NEGR1: variants seen among roughly 807,000 people sequenced by gnomAD.
NEGR1 encodes the protein neuronal growth regulator 1, also known as IgLON family member 4.
Under a neutral mutation model 40.9 loss-of-function variants are expected in NEGR1, and 10 were observed. That is an observed-to-expected ratio of 0.24 (90% CI 0.15 to 0.42). The LOEUF (loss-of-function observed/expected upper bound fraction) is 0.42, where lower values mean the gene tolerates loss of function less well. Ranked by LOEUF, NEGR1 falls within the 10% of genes least tolerant of loss-of-function variation. The probability of loss-of-function intolerance (pLI) is 1.00; values close to 1 mark genes in which losing one functional copy is unlikely to be tolerated. For synonymous variants in NEGR1, 185 were observed against 166.8 expected (o/e 1.11, Z -0.84); for missense variants, 352 against 438.9 (o/e 0.80, Z 1.77).
At chr1:72,205,655 G>A (rs1192889905) in intron 1 of NEGR1, among the ~76,000 whole-genome samples, 2 of 141,190 alleles carry the variant, frequency 1.4e-5, no homozygotes, top group Non-Finnish European at 3.0e-5. Flanking sequence ...GATGGCTCAT[G>A]CCTATAATCC....
chr1:71,575,637 G>T (rs1000133828), intron 6 of NEGR1, among the ~76,000 whole-genome samples: 1 of 152,128 alleles, frequency 6.6e-6, no homozygotes, highest in Non-Finnish European at 1.5e-5. Context: ...CAAAAAATTA[G>T]CTGGGCATGG....
intron 3 of NEGR1, among the ~76,000 whole-genome samples, chr1:71,726,003 A>G (rs1014922400): frequency 1.3e-5 from 2 of 152,164 alleles, no homozygotes; most frequent in Admixed American, 1.3e-4. Flanking sequence ...CATGTGCTGA[A>G]AAATTTATCA....
chr1:72,048,686 C>T (rs915935781), intron 1 of NEGR1, among the ~76,000 whole-genome samples: 1 of 151,538 alleles, frequency 6.6e-6, no homozygotes. Flanking sequence ...TTTTAAAATG[C>T]TCTTCTAGTC....
intron 3 of NEGR1, among the ~76,000 whole-genome samples, chr1:71,774,478 C>T (rs779557635): frequency 2.7e-4 from 41 of 151,950 alleles, no homozygotes; most frequent in Non-Finnish European, 4.1e-4. Context: ...TCACATAATA[C>T]CAATACTAAG....
At chr1:72,137,741 T>A (rs748302572) in intron 1 of NEGR1, among the ~76,000 whole-genome samples, 1 of 152,004 alleles carries the variant, frequency 6.6e-6, no homozygotes, top group Non-Finnish European at 1.5e-5. Flanking sequence ...TAAAAAAGAA[T>A]ACGGTGCTCA....
At chr1:71,903,666 TAC>T (rs960825837) in intron 2 of NEGR1, among the ~76,000 whole-genome samples, 11 of 152,020 alleles carry the variant, frequency 7.2e-5, no homozygotes, top group African/African-American at 2.6e-4. Context: ...TATTCATAAA[TAC>T]ATTTATTTCA....
At chr1:72,279,975 T>C (rs1336292569) in intron 1 of NEGR1, among the ~76,000 whole-genome samples, 1 of 152,188 alleles carries the variant, frequency 6.6e-6, no homozygotes, top group Non-Finnish European at 1.5e-5. Context: ...AGTTCAAATT[T>C]CTATTTCATA....
chr1:72,202,559 T>C (rs1292583898), intron 1 of NEGR1, among the ~76,000 whole-genome samples: 1 of 152,046 alleles, frequency 6.6e-6, no homozygotes, highest in Non-Finnish European at 1.5e-5. Context: ...AATAGCTTTA[T>C]TATGGATATA....
At chr1:72,077,189 C>T (rs1036210645) in intron 1 of NEGR1, among the ~76,000 whole-genome samples, 7 of 152,078 alleles carry the variant, frequency 4.6e-5, no homozygotes, top group South Asian at 2.1e-4. Context: ...CCACCGTGCC[C>T]GGCCCTCATT....
intron 3 of NEGR1, among the ~76,000 whole-genome samples, chr1:71,701,979 A>G (rs1653712642): frequency 6.6e-6 from 1 of 152,002 alleles, no homozygotes; most frequent in African/African-American, 2.4e-5. Context: ...GAGTTTATGG[A>G]GCAATAAGAG....
intron 1 of NEGR1, among the ~76,000 whole-genome samples, chr1:72,198,148 C>T (rs780647240): frequency 5.3e-4 from 81 of 152,060 alleles, no homozygotes; most frequent in Non-Finnish European, 9.7e-4. Context: ...ACTTTTTAGA[C>T]GGTTGCCCAA....
intron 1 of NEGR1, among the ~76,000 whole-genome samples, chr1:72,233,670 A>G (rs1654454866): frequency 6.6e-6 from 1 of 152,162 alleles, no homozygotes. Flanking sequence ...TATACATACC[A>G]CATTTTCTAT....
intron 1 of NEGR1, among the ~76,000 whole-genome samples, chr1:72,122,293 C>G (rs1259153778): frequency 6.6e-6 from 1 of 151,818 alleles, no homozygotes; most frequent in African/African-American, 2.4e-5. Flanking sequence ...ATGGGAAATC[C>G]CAGAGTGAGT....
In NEGR1 at chr1:71,864,652, A is replaced by G. The variant is rs969933121; in HGVS notation, c.409+70427T>C. The stretch of plus-strand genomic sequence containing the variant: ...CAGAAATTAAACAAAATTCCAAAGA[A>G]AAGGGCAACACAAGACAGGAGCTAT... On this transcript the variant is annotated intron_variant, in intron 2 of 6. Coordinates refer to ENST00000357731, the MANE Select transcript of NEGR1 (RefSeq NM_173808.3). Among the ~76,000 whole-genome samples, 5 of 152,142 alleles carry G rather than the reference A, an allele frequency of 3.3e-5. No individual in the cohort carries two copies. The South Asian group carries it at 1.0e-3, about 32-fold the overall frequency.
chr1:72,101,396 G>T (rs1409791082), intron 1 of NEGR1, among the ~76,000 whole-genome samples: 1 of 152,142 alleles, frequency 6.6e-6, no homozygotes, highest in African/African-American at 2.4e-5. Context: ...GCAAAGGAAT[G>T]CTTTTAAAAT....
At chr1:72,078,438 CACAT>C (rs1467172700) in intron 1 of NEGR1, among the ~76,000 whole-genome samples, 9 of 151,978 alleles carry the variant, frequency 5.9e-5, no homozygotes, top group Admixed American at 1.3e-4. Context: ...TGTTCACACA[CACAT>C]ACAAACACTC....
chr1:72,034,979 C>T (rs1557493987), intron 1 of NEGR1, among the ~76,000 whole-genome samples: 1 of 152,032 alleles, frequency 6.6e-6, no homozygotes, highest in South Asian at 2.1e-4. Context: ...CTTGTCACCA[C>T]GTTTATGGTG....
Position 71,541,108 on chromosome 1 carries a change from G to A in NEGR1, c.940+51709C>T, listed in dbSNP as rs553238689. ...TTACAATTCAACATGAGATTTAAGC[G>A]GGGACAAATATCCAAACTATATCAG... is the stretch of plus-strand genomic sequence containing the variant. On this transcript the variant is annotated intron_variant, in intron 6 of 6. Transcript: ENST00000357731. 4.0e-5 allele frequency among the ~76,000 whole-genome samples: 6 copies of A among 151,692 alleles called. No homozygotes were observed. The South Asian group carries it at 1.2e-3, about 32-fold the overall frequency.
intron 1 of NEGR1, among the ~76,000 whole-genome samples, chr1:72,170,142 G>C (rs1039007233): frequency 2.6e-5 from 4 of 152,012 alleles, no homozygotes; most frequent in African/African-American, 9.7e-5. Context: ...AGATAGTTCT[G>C]TGTTCCTCCA....
Sources: allele counts gnomAD v4.1 joint callset (sites outside exome capture counted in the v4.1 genomes callset), GRCh38; gene constraint gnomAD v4.1.1; transcripts MANE v1.5; gene names NCBI Gene and HGNC (gene_info 2026-07-23, HGNC 2026-07-21).